Variants in DNER observed in about 807,000 individuals in gnomAD.
The protein encoded by DNER is delta and Notch-like epidermal growth factor-related receptor.
A neutral mutation model predicts 78.2 loss-of-function variants in DNER; 33 were observed. The observed-to-expected ratio is 0.42, with a 90% CI of 0.32 to 0.56. The LOEUF (loss-of-function observed/expected upper bound fraction) is 0.56, where lower values mean the gene tolerates loss of function less well. DNER is among the 20% of genes least tolerant of loss of function. DNER has a pLI of 0.11. For synonymous variants in DNER, 417 were observed against 384.8 expected, an observed-to-expected ratio of 1.08 and a Z score of -0.98; for missense variants, 918 against 975.3, an observed-to-expected ratio of 0.94 and a Z score of 0.78.
At chr2:229,684,185 T>G (rs1699444714) in intron 1 of DNER, among the ~76,000 whole-genome samples, 1 of 149,582 alleles carries the variant, frequency 6.7e-6, no homozygotes, top group Non-Finnish European at 1.5e-5. Flanking sequence ...TGTGTGTGTG[T>G]GTGTGTGTGT....
chr2:229,701,375 A>G (rs557387186), intron 1 of DNER, among the ~76,000 whole-genome samples: 5 of 152,264 alleles, frequency 3.3e-5, no homozygotes, highest in Non-Finnish European at 7.3e-5. Flanking sequence ...TATTTAGCTA[A>G]TTAAACATAC....
At chr2:229,430,552 G>A (rs770086662) in intron 8 of DNER, among the ~76,000 whole-genome samples, 12 of 152,096 alleles carry the variant, frequency 7.9e-5, no homozygotes, top group East Asian at 1.9e-4. Flanking sequence ...TCTTTCTCCC[G>A]TGCTGGATGC....
At chr2:229,550,068 C>T (rs1696702378) in intron 4 of DNER, among the ~76,000 whole-genome samples, 1 of 151,888 alleles carries the variant, frequency 6.6e-6, no homozygotes, top group Non-Finnish European at 1.5e-5. Flanking sequence ...TCTTGGTTCA[C>T]TGCAACCTCT....
intron 6 of DNER, among the ~76,000 whole-genome samples, chr2:229,483,378 CA>C (rs1430240610): frequency 1.3e-5 from 2 of 152,178 alleles, no homozygotes; most frequent in Non-Finnish European, 2.9e-5. Flanking sequence ...ATGGTTCTGC[CA>C]CTTCGTGTCT....
intron 12 of DNER, among the ~76,000 whole-genome samples, chr2:229,359,230 C>T (rs1335661637): frequency 6.6e-6 from 1 of 152,188 alleles, no homozygotes; most frequent in Non-Finnish European, 1.5e-5. Flanking sequence ...ACCCACCTAT[C>T]ACCTCCCAAC....
At chr2:229,373,696 C>A (rs1692538543) in intron 11 of DNER, among the ~76,000 whole-genome samples, 1 of 152,158 alleles carries the variant, frequency 6.6e-6, no homozygotes, top group Non-Finnish European at 1.5e-5. Context: ...GGTGCCTGCC[C>A]ATCAAAGATG....
chr2:229,685,009 T>G (rs752318957), intron 1 of DNER, among the ~76,000 whole-genome samples: 1 of 152,234 alleles, frequency 6.6e-6, no homozygotes, highest in African/African-American at 2.4e-5. Context: ...TTCTCTAAAA[T>G]GCAATCTGGA....
intron 11 of DNER, among the ~76,000 whole-genome samples, chr2:229,370,779 C>T (rs564751249): frequency 5.3e-5 from 8 of 152,308 alleles, no homozygotes; most frequent in African/African-American, 7.2e-5. Context: ...TCCTCCAACT[C>T]GGTAGAGTGC....
In DNER at chr2:229,681,469, A is replaced by G. The variant is rs547955361; in HGVS notation, c.276+32679T>C. 1.4e-4 allele frequency among the ~76,000 whole-genome samples: 21 copies of G among 152,308 alleles called. No individual in the cohort carries two copies. In the South Asian group the frequency reaches 3.5e-3, roughly 26 times the overall value. On this transcript the variant is annotated intron_variant, in intron 1 of 12. Transcript: ENST00000341772. ...ATGGTGTTACTCCTTTAAGCCAATT[A>G]TGCTCAAAATAAGGAGTTTGTCCCT...
intron 6 of DNER, among the ~76,000 whole-genome samples, chr2:229,504,483 G>A (rs189942598): frequency 1.3e-5 from 2 of 152,266 alleles, no homozygotes; most frequent in Admixed American, 1.3e-4. Flanking sequence ...GCCTCCCAAA[G>A]TGCTAGGATT....
chr2:229,414,901 G>A (rs999951835), intron 9 of DNER, among the ~76,000 whole-genome samples: 1 of 152,196 alleles, frequency 6.6e-6, no homozygotes, highest in African/African-American at 2.4e-5. Context: ...AGTGGCTCAT[G>A]TCTGCAATCC....
intron 8 of DNER, among the ~76,000 whole-genome samples, chr2:229,426,780 C>T (rs1226379247): frequency 2.0e-5 from 3 of 152,182 alleles, no homozygotes; most frequent in Non-Finnish European, 2.9e-5. Flanking sequence ...TTCAGATGCT[C>T]TCGTTTAAAC....
chr2:229,655,377 T>C (rs902332674), intron 1 of DNER, among the ~76,000 whole-genome samples: 10 of 152,062 alleles, frequency 6.6e-5, no homozygotes, highest in Non-Finnish European at 1.3e-4. Context: ...AAAAGCATCT[T>C]TTAAAAACCT....
At chr2:229,394,598 G>T (rs991732348) in intron 10 of DNER, among the ~76,000 whole-genome samples, 7 of 152,116 alleles carry the variant, frequency 4.6e-5, no homozygotes, top group African/African-American at 1.4e-4. Flanking sequence ...CCTTTTAGAC[G>T]CTTGTGTGTG....
chr2:229,422,265 G>A (rs1005939630), intron 8 of DNER, among the ~76,000 whole-genome samples: 2 of 152,064 alleles, frequency 1.3e-5, no homozygotes, highest in Non-Finnish European at 2.9e-5. Flanking sequence ...AATTAATTCA[G>A]GCAAACAAAT....
At chr2:229,713,215 T>C (rs1292130468) in intron 1 of DNER, among the ~76,000 whole-genome samples, 3 of 152,266 alleles carry the variant, frequency 2.0e-5, no homozygotes, top group Admixed American at 6.5e-5. Flanking sequence ...GGGGATTTTC[T>C]ACCCGTACAC....
At chr2:229,539,915 G>A (rs183775052) in intron 5 of DNER, among the ~76,000 whole-genome samples, 42 of 152,230 alleles carry the variant, frequency 2.8e-4, no homozygotes, top group African/African-American at 9.6e-4. Context: ...CTGTCCCTGC[G>A]GCCTTGTAAC....
At chr2:229,637,426 CTGT>C (rs1210701994) in intron 1 of DNER, among the ~76,000 whole-genome samples, 1 of 152,172 alleles carries the variant, frequency 6.6e-6, no homozygotes, top group East Asian at 1.9e-4. Flanking sequence ...ATTTTGTGAG[CTGT>C]TGTTAAGAGC....
intron 1 of DNER, among the ~76,000 whole-genome samples, chr2:229,606,675 T>C (rs1697944541): frequency 6.6e-6 from 1 of 152,070 alleles, no homozygotes; most frequent in Non-Finnish European, 1.5e-5. Context: ...GGAGGATCAC[T>C]GGAGGTCAAG....
Sources: gnomAD v4.1 joint callset for allele counts (sites outside exome capture counted in the v4.1 genomes callset) on GRCh38, gnomAD v4.1.1 for gene constraint, MANE v1.5 for transcripts, NCBI Gene and HGNC (gene_info 2026-07-23, HGNC 2026-07-21) for gene names.